Variants in FRMD4B observed in about 807,000 individuals in gnomAD.
FRMD4B encodes the protein FERM domain-containing protein 4B.
A neutral mutation model predicts 141.5 loss-of-function variants in FRMD4B; 74 were observed. That is an observed-to-expected ratio of 0.52 (90% CI 0.43 to 0.63). FRMD4B has a LOEUF of 0.63. Among genes scored for constraint, FRMD4B ranks in the 30% least tolerant of loss-of-function variants. The pLI is 0.00. For synonymous variants in FRMD4B, 506 were observed against 467.9 expected, an observed-to-expected ratio of 1.08 and a Z score of -1.05; for missense variants, 1,366 against 1,253.4, an observed-to-expected ratio of 1.09 and a Z score of -1.36.
intron 1 of FRMD4B, among the ~76,000 whole-genome samples, chr3:69,342,160 C>T (rs1029455855): frequency 6.6e-6 from 1 of 152,154 alleles, no homozygotes; most frequent in African/African-American, 2.4e-5. Flanking sequence ...TTATAACTTC[C>T]TGGATCTAGA....
chr3:69,279,818 A>C (rs1221862157), intron 5 of FRMD4B, among the ~76,000 whole-genome samples: 23 of 124,436 alleles, frequency 1.8e-4, no homozygotes, highest in East Asian at 7.2e-4. Context: ...CTTCCTTCCC[A>C]CTTCTGCAGA....
Position 69,423,965 on chromosome 3 carries a change from C to T in FRMD4B, c.-1+8669G>A, listed in dbSNP as rs561706021. ...AGCTTATGGTATTTCGTAACAGCAG[C>T]CCAAATGGACAAAGTTCCTAAGTGG... On this transcript the variant is annotated intron_variant, in intron 2 of 5. Coordinates refer to the FRMD4B transcript ENST00000459638. Among the ~76,000 whole-genome samples the T allele has an allele frequency of 9.9e-5, 15 of 152,152 alleles. No individual in the cohort carries two copies. In the South Asian group the frequency reaches 1.0e-3, roughly 11 times the overall value.
At chr3:69,483,046 T>C (rs1207510063) in intron 1 of FRMD4B, among the ~76,000 whole-genome samples, 2 of 152,208 alleles carry the variant, frequency 1.3e-5, no homozygotes. Flanking sequence ...GGAATATCGG[T>C]CTTCCTTTGA....
chr3:69,224,019 G>A (rs1276849406), intron 8 of FRMD4B, among the ~76,000 whole-genome samples: 1 of 151,926 alleles, frequency 6.6e-6, no homozygotes, highest in Non-Finnish European at 1.5e-5. Flanking sequence ...CATTTTAGTG[G>A]AAAGAAAAAC....
intron 1 of FRMD4B, among the ~76,000 whole-genome samples, chr3:69,377,904 G>C (rs539488100): frequency 1.6e-4 from 25 of 151,682 alleles, no homozygotes; most frequent in Non-Finnish European, 1.5e-5. Context: ...TCTGCCTCCC[G>C]GGTTTAAGCC....
At position 69,283,429 on chromosome 3, in the gene FRMD4B, C is replaced by CAA. The variant is rs59444542; in HGVS notation, c.501+4321_501+4322dup. Among the ~76,000 whole-genome samples the CAA allele has an allele frequency of 2.3e-4, 32 of 139,440 alleles. No homozygotes were observed. In the South Asian group the frequency reaches 5.6e-3, roughly 24 times the overall value. 91.5% of individuals were successfully genotyped at this position (139,440 alleles called of 152,430 possible). A position where few individuals can be genotyped will look rare whatever the true frequency, so the allele number is the denominator to read the frequency against. ...ACAAAAAACAAAAAAGCAACAACAA[C>CAA]AAAAAAAAAAAAAAAAGAAAGAAAG... is the stretch of plus-strand genomic sequence containing the variant. On this transcript the variant is annotated intron_variant, in intron 5 of 22. Transcript: ENST00000398540.
intron 1 of FRMD4B, among the ~76,000 whole-genome samples, chr3:69,478,281 T>C (rs1380307767): frequency 6.6e-6 from 1 of 152,218 alleles, no homozygotes; most frequent in East Asian, 1.9e-4. Flanking sequence ...TTTCTAGTTC[T>C]TTTAATTGTG....
intron 7 of FRMD4B, among the ~76,000 whole-genome samples, chr3:69,234,784 A>T (rs1310220255): frequency 6.6e-6 from 1 of 152,196 alleles, no homozygotes; most frequent in Non-Finnish European, 1.5e-5. Context: ...AGAAAGGCTG[A>T]GGGTGGGGCT....
At chr3:69,197,120 C>T (rs2092915549) in intron 12 of FRMD4B, 82 bp from the exon 13 acceptor site, 1 of 1,201,706 alleles carries the variant, frequency 8.3e-7, no homozygotes, top group African/African-American at 1.5e-5. Context: ...AGCATTGTAA[C>T]AAAGCATGTT....
chr3:69,362,983 T>G (rs6549208), intron 1 of FRMD4B, among the ~76,000 whole-genome samples: 55,575 of 116,110 alleles, frequency 0.48, 12,142 homozygotes, highest in African/African-American at 0.67. Flanking sequence ...ATCAGAATGC[T>G]TTTTACAGTA....
At chr3:69,206,897 T>C (rs1289721963) in intron 11 of FRMD4B, among the ~76,000 whole-genome samples, 1 of 152,066 alleles carries the variant, frequency 6.6e-6, no homozygotes, top group East Asian at 1.9e-4. Context: ...TACATGGCAC[T>C]CTATGGTTAG....
rs574681309 is a variant in FRMD4B at position 69,417,628 on chromosome 3, T to C, written c.-1+15006A>G. Among the ~76,000 whole-genome samples, 280 of 152,358 alleles carry C rather than the reference T, an allele frequency of 1.8e-3. 1 individual carries two copies. Among genetic ancestry groups the C allele is most frequent in the Non-Finnish European group, 3.5e-3 (240 of 68,032 alleles). ...GTCACGAAGTCTTTGCCCATGATTG[T>C]GTCCTGAATGTATTGCCTAGGGCAA... On this transcript the variant is annotated intron_variant, in intron 2 of 5. Transcript: ENST00000459638.
chr3:69,357,789 A>G (rs1476321643), intron 1 of FRMD4B, among the ~76,000 whole-genome samples: 1 of 152,226 alleles, frequency 6.6e-6, no homozygotes, highest in Non-Finnish European at 1.5e-5. Flanking sequence ...ATTTGTCATA[A>G]AGTAAGAGGA....
In FRMD4B at chr3:69,270,388, T is replaced by A. The variant is rs187501491; in HGVS notation, c.501+17364A>T. Reference sequence around the variant, plus strand: ...AGGAAAATGACATCTGCTTCTACTGTGTGTGAGAAAAATAGATGACAGATA... The same window carrying A: ...AGGAAAATGACATCTGCTTCTACTGAGTGTGAGAAAAATAGATGACAGATA... On this transcript the variant is annotated intron_variant, in intron 5 of 22. Coordinates refer to ENST00000398540, the MANE Select transcript of FRMD4B (RefSeq NM_015123.3). Among the ~76,000 whole-genome samples, 11 of 152,276 alleles carry A rather than the reference T, an allele frequency of 7.2e-5. No homozygotes were observed. The East Asian group carries it at 1.5e-3, about 21-fold the overall frequency.
At chr3:69,292,519 G>C (rs371879336) in intron 4 of FRMD4B, among the ~76,000 whole-genome samples, 3 of 152,162 alleles carry the variant, frequency 2.0e-5, no homozygotes, top group Non-Finnish European at 4.4e-5. Context: ...CTACATCCTA[G>C]TCCCAGTAAA....
At chr3:69,204,944 G>A (rs1236421886) in intron 11 of FRMD4B, among the ~76,000 whole-genome samples, 1 of 151,028 alleles carries the variant, frequency 6.6e-6, no homozygotes, top group Non-Finnish European at 1.5e-5. Context: ...AATAGGGGCA[G>A]ATATTGATAC....
chr3:69,254,158 G>A (rs1575661210), intron 5 of FRMD4B, among the ~76,000 whole-genome samples: 1 of 152,136 alleles, frequency 6.6e-6, no homozygotes, highest in East Asian at 1.9e-4. Context: ...AGGCTGGAGT[G>A]CAGTGGTATG....
At chr3:69,383,686 A>G (rs1429473348) in intron 1 of FRMD4B, among the ~76,000 whole-genome samples, 2 of 152,138 alleles carry the variant, frequency 1.3e-5, no homozygotes, top group Non-Finnish European at 2.9e-5. Context: ...CAACGTCTTG[A>G]GCAGAGAGAA....
chr3:69,171,898 A>T lies in FRMD4B; in HGVS notation c.3068T>A (p.Phe1023Tyr). Reference sequence around the variant, plus strand: ...TCCAGGCTTTGAATCTTCATGCCAAAAGAGTCTCTGCTCACTACTCTCCAG... The same window carrying T: ...TCCAGGCTTTGAATCTTCATGCCAATAGAGTCTCTGCTCACTACTCTCCAG... ...DNLESSEQRL[F>Y]WHEDSKPGTL... Residue 1023 changes from phenylalanine to tyrosine, a missense_variant, in exon 23 of 23, where the codon TTT (phenylalanine) becomes TAT (tyrosine). Phe to Tyr is a conservative substitution (Grantham distance 22). Transcript: ENST00000398540. 6.2e-7 allele frequency: 1 copy of T among 1,613,454 alleles called. No individual in the cohort carries two copies. Among genetic ancestry groups the T allele is most frequent in the South Asian group, 1.1e-5 (1 of 91,072 alleles).
Sources: allele counts gnomAD v4.1 joint callset (sites outside exome capture counted in the v4.1 genomes callset), GRCh38; gene constraint gnomAD v4.1.1; transcripts MANE v1.5; gene names NCBI Gene and HGNC (gene_info 2026-07-23, HGNC 2026-07-21).